FNDC8: variants seen among roughly 807,000 people sequenced by gnomAD.
The protein encoded by FNDC8 is fibronectin type III domain containing 8, also known as fibronectin type III domain-containing protein 8.
FNDC8 carries 23 observed loss-of-function variants against 24.8 expected under a neutral mutation model. The ratio of observed to expected loss-of-function variants is 0.93; its 90% CI spans 0.67 to 1.31. The LOEUF (loss-of-function observed/expected upper bound fraction) is 1.31. FNDC8 is among the 40% of genes most tolerant of loss of function. The pLI, the probability that FNDC8 is intolerant of heterozygous loss-of-function variation, is 0.00. For synonymous variants in FNDC8, 158 were observed against 165.3 expected (o/e 0.96, Z 0.34); for missense variants, 371 against 398.2 (o/e 0.93, Z 0.58).
intron 1 of FNDC8, among the ~76,000 whole-genome samples, chr17:35,126,605 CA>C (rs1265557156): frequency 6.7e-6 from 1 of 149,966 alleles, no homozygotes; most frequent in Admixed American, 6.7e-5. Flanking sequence ...TGGGTTCAAG[CA>C]ATTCTCCTGC....
Position 35,130,440 on chromosome 17 carries a change from A to G in FNDC8, c.*6A>G. ...AATACCTATTTCCCTGTTAAGGGGG[A>G]GGGCCCCAGGACACCCCTCACCTAC... On this transcript the variant is annotated 3_prime_UTR_variant, in exon 4 of 4. Coordinates refer to ENST00000158009, the MANE Select transcript of FNDC8 (RefSeq NM_017559.4). 1.2e-6 allele frequency: 2 copies of G among 1,611,504 alleles called. No homozygotes were observed. The highest frequency in any genetic ancestry group is 1.7e-6 in the Non-Finnish European group (2 of 1,178,816).
chr17:35,123,320 G>A (rs62062405), intron 1 of FNDC8, among the ~76,000 whole-genome samples: 1 of 152,162 alleles, frequency 6.6e-6, no homozygotes, highest in Non-Finnish European at 1.5e-5. Context: ...CCGTAAGCAA[G>A]CAGGTATGGC....
intron 1 of FNDC8, 44 bp downstream of exon 1, chr17:35,121,946 C>T: frequency 5.2e-6 from 7 of 1,352,188 alleles, no homozygotes; most frequent in Non-Finnish European, 7.3e-6. Flanking sequence ...TCCCTCCCTC[C>T]CTTCCTTCCT....
chr17:35,129,114 A>C, intron 2 of FNDC8: 1 of 299,558 alleles, frequency 3.3e-6, no homozygotes, highest in Non-Finnish European at 6.4e-6. Flanking sequence ...CTGCTGTGCT[A>C]TCCAGTTCCT....
Position 35,122,034 on chromosome 17 carries a change from G to A in FNDC8, c.209+132G>A, listed in dbSNP as rs1364495245. 5.8e-6 allele frequency: 4 copies of A among 684,594 alleles called. No homozygotes were observed. The East Asian group carries it at 8.3e-5, about 14-fold the overall frequency. 42.4% of individuals were successfully genotyped at this position (684,594 alleles called of 1,614,324 possible). A position where few individuals can be genotyped will look rare whatever the true frequency, so the allele number is the denominator to read the frequency against. The stretch of plus-strand genomic sequence containing the variant: ...GGATCTTGCTTTGTCACCCAGGCTG[G>A]AGTGCAGTGGTGCAATCTCGGCTCA... On this transcript the variant is annotated intron_variant, in intron 1 of 3. Transcript: ENST00000158009.
At chr17:35,122,157 C>CGTAT (rs2091828950) in intron 1 of FNDC8, among the ~76,000 whole-genome samples, 1 of 36,450 alleles carries the variant, frequency 2.7e-5, no homozygotes, top group Non-Finnish European at 5.2e-5. Context: ...GGCTAATTTT[C>CGTAT]ATATATATAT....
Position 35,121,978 on chromosome 17 carries a change from CCTTCCTTCCT to C in FNDC8, c.209+77_209+86del, listed in dbSNP as rs2091827631. On this transcript the variant is annotated intron_variant, in intron 1 of 3. Coordinates refer to ENST00000158009, the MANE Select transcript of FNDC8 (RefSeq NM_017559.4). ...TCCTCCCTTCCTTCCTCCCTTCCTT[CCTTCCTTCCT>C]TTTTTTTTTTTTTTTTGACAGGATC... 4.1e-6 allele frequency: 4 copies of C among 968,512 alleles called. No homozygotes were observed. In the African/African-American group the frequency reaches 1.1e-4, roughly 26 times the overall value. The allele number at this position is 968,512 out of a possible 1,614,324, so 60.0% of individuals were successfully genotyped here. A position where few individuals can be genotyped will look rare whatever the true frequency, so the allele number is the denominator to read the frequency against.
chr17:35,127,475 A>G, intron 2 of FNDC8, 58 bp downstream of exon 2: 1 of 1,488,830 alleles, frequency 6.7e-7, no homozygotes, highest in East Asian at 2.3e-5. Flanking sequence ...CACTGAGCTG[A>G]GCTCCATGGG....
At chr17:35,124,349 G>A (rs1251248749) in intron 1 of FNDC8, among the ~76,000 whole-genome samples, 4 of 152,194 alleles carry the variant, frequency 2.6e-5, no homozygotes, top group African/African-American at 9.6e-5. Context: ...CCAACATGGT[G>A]AAACCCCTTC....
intron 1 of FNDC8, among the ~76,000 whole-genome samples, chr17:35,122,112 G>A (rs1597881137): frequency 8.5e-6 from 1 of 117,476 alleles, no homozygotes; most frequent in Non-Finnish European, 1.7e-5. Flanking sequence ...CACCTCCCAA[G>A]TAGCTGGGAC....
intron 1 of FNDC8, among the ~76,000 whole-genome samples, chr17:35,126,266 A>G (rs2091848864): frequency 6.6e-6 from 1 of 152,152 alleles, no homozygotes; most frequent in Non-Finnish European, 1.5e-5. Flanking sequence ...GCTAGATATT[A>G]ATAGGTATTA....
At chr17:35,129,761 C>T in intron 3 of FNDC8, 103 bp downstream of exon 3, 1 of 1,487,820 alleles carries the variant, frequency 6.7e-7, no homozygotes. Flanking sequence ...CATGACTCAT[C>T]TGGCTAGCTT....
intron 1 of FNDC8, among the ~76,000 whole-genome samples, chr17:35,124,943 G>A (rs2091843218): frequency 6.6e-6 from 1 of 151,792 alleles, no homozygotes; most frequent in Non-Finnish European, 1.5e-5. Flanking sequence ...AGCTACTCGG[G>A]AGGCTGAGGC....
Position 35,130,441 on chromosome 17 carries a change from G to C in FNDC8, c.*7G>C. ...ATACCTATTTCCCTGTTAAGGGGGA[G>C]GGCCCCAGGACACCCCTCACCTACT... is the stretch of plus-strand genomic sequence containing the variant. On this transcript the variant is annotated 3_prime_UTR_variant, in exon 4 of 4. Coordinates refer to ENST00000158009, the MANE Select transcript of FNDC8 (RefSeq NM_017559.4). 6.2e-7 allele frequency: 1 copy of C among 1,612,374 alleles called. No individual in the cohort carries two copies. Among genetic ancestry groups the C allele is most frequent in the East Asian group, 2.2e-5 (1 of 44,876 alleles).
Position 35,130,569 on chromosome 17 carries a change from C to T in FNDC8, c.*135C>T. 9 of 937,154 alleles carry T rather than the reference C, an allele frequency of 9.6e-6. No individual in the cohort carries two copies. The highest frequency in any genetic ancestry group is 1.4e-5 in the Non-Finnish European group (9 of 642,710). 58.1% of individuals were successfully genotyped at this position (937,154 alleles called of 1,614,324 possible). On this transcript the variant is annotated 3_prime_UTR_variant, in exon 4 of 4. Transcript: ENST00000158009. Reference sequence around the variant, plus strand: ...CTGGCAGAGTGGTATGGGCACCCCACCCCTGGGCTGGGGCCAAGGCTACAT... The same window carrying T: ...CTGGCAGAGTGGTATGGGCACCCCATCCCTGGGCTGGGGCCAAGGCTACAT...
At chr17:35,125,503 T>C (rs757810190) in intron 1 of FNDC8, among the ~76,000 whole-genome samples, 7 of 152,210 alleles carry the variant, frequency 4.6e-5, no homozygotes, top group African/African-American at 9.7e-5. Flanking sequence ...TGTATCAAGA[T>C]AGATGAATGT....
Position 35,127,396 on chromosome 17 carries a change from C to A in FNDC8, c.564C>A (p.Thr188=), listed in dbSNP as rs2306508. 679,424 of 1,556,616 alleles carry A rather than the reference C, an allele frequency of 0.44. 154,730 individuals are homozygous for A. Among genetic ancestry groups the A allele is most frequent in the East Asian group, 0.71 (31,709 of 44,368 alleles). The change falls in exon 2 of 4, where the codon ACC becomes ACA. Residue 188 remains threonine (T), a synonymous_variant. Transcript: ENST00000158009. Reference sequence around the variant, plus strand: ...ACACCCCCTTCATCTTTGAGCACACCGTCAACAATTCCACAGCTGTGGTGC... The same window carrying A: ...ACACCCCCTTCATCTTTGAGCACACAGTCAACAATTCCACAGCTGTGGTGC... ...LPDTPFIFEH[T]VNNSTAVISW... is the part of the protein sequence containing the mutation.
chr17:35,129,555 G>T lies in FNDC8; in HGVS notation c.719G>T (p.Gly240Val). The part of the protein sequence containing the change: ...NRPWIFNKIL[G>V]TTVKLMELKP... ...CCATGGATCTTCAACAAGATTTTGG[G>T]CACTACTGTCAAGCTGATGGAGCTA... is the stretch of plus-strand genomic sequence containing the variant. Residue 240 changes from glycine to valine, a missense_variant, in exon 3 of 4, where the codon GGC becomes GTC. Coordinates refer to ENST00000158009, the MANE Select transcript of FNDC8 (RefSeq NM_017559.4). 6.2e-7 allele frequency: 1 copy of T among 1,614,166 alleles called. No individual in the cohort carries two copies. The highest frequency in any genetic ancestry group is 8.5e-7 in the Non-Finnish European group (1 of 1,180,032).
At chr17:35,129,718 G>T in intron 3 of FNDC8, 60 bp downstream of exon 3, 2 of 1,570,904 alleles carry the variant, frequency 1.3e-6, no homozygotes, top group South Asian at 2.3e-5. Flanking sequence ...CAGGGAACCA[G>T]GGCTTTGGAG....
Sources: allele counts gnomAD v4.1 joint callset (sites outside exome capture counted in the v4.1 genomes callset), GRCh38; gene constraint gnomAD v4.1.1; transcripts MANE v1.5; gene names NCBI Gene and HGNC (gene_info 2026-07-23, HGNC 2026-07-21).